The following SARDH variants were observed in gnomAD, a reference collection of about 807,000 sequenced individuals.
SARDH encodes the protein sarcosine dehydrogenase.
Under a neutral mutation model 109.1 loss-of-function variants are expected in SARDH, and 95 were observed. The ratio of observed to expected loss-of-function variants is 0.87; its 90% CI spans 0.74 to 1.03. The LOEUF is 1.03. SARDH is among the 50% of genes least tolerant of loss of function. SARDH has a pLI of 0.00. For missense variants in SARDH, 1,267 were observed against 1,287.8 expected (o/e 0.98, Z 0.25); for synonymous variants, 572 against 534.8 (o/e 1.07, Z -0.96).
intron 14 of SARDH, 139 bp from the exon 15 acceptor site, chr9:133,694,510 G>A: frequency 1.3e-6 from 1 of 742,032 alleles, no homozygotes; most frequent in Admixed American, 2.5e-5. Flanking sequence ...GCCCTACTGG[G>A]AGGTGACCTG....
chr9:133,734,350 C>CATTCATTCATTCACTG, intron 1 of SARDH, 147 bp from the exon 2 acceptor site: 1 of 491,374 alleles, frequency 2.0e-6, no homozygotes, highest in Non-Finnish European at 3.5e-6. Context: ...TTCACTCATT[C>CATTCATTCATTCACTG]ATTCATTCAT....
At chr9:133,696,644 T>C (rs756530758) in intron 13 of SARDH, among the ~76,000 whole-genome samples, 21 of 152,198 alleles carry the variant, frequency 1.4e-4, no homozygotes, top group African/African-American at 3.1e-4. Context: ...CTGACCGCGA[T>C]GTAATTAAAT....
chr9:133,690,557 G>C (rs1564255560), intron 15 of SARDH, 30 bp from the exon 16 acceptor site: 1 of 1,583,300 alleles, frequency 6.3e-7, no homozygotes, highest in Non-Finnish European at 8.6e-7. Context: ...ACTTAGAGCA[G>C]GATTTCAGGG....
intron 12 of SARDH, chr9:133,703,850 C>G (rs1029008009): frequency 2.2e-4 from 34 of 152,312 alleles, no homozygotes; most frequent in African/African-American, 8.0e-4. Flanking sequence ...ATGGAGTACC[C>G]CCCTCCCCAG....
intron 11 of SARDH, among the ~76,000 whole-genome samples, chr9:133,707,975 AC>A (rs1253861651): frequency 6.6e-6 from 1 of 151,678 alleles, no homozygotes; most frequent in Non-Finnish European, 1.5e-5. Flanking sequence ...CGCCCCCAGG[AC>A]CCCTGCCCTG....
chr9:133,732,732 C>CA (rs1832732931), intron 2 of SARDH, 131 bp from the exon 3 acceptor site: 16 of 1,012,190 alleles, frequency 1.6e-5, no homozygotes, highest in Non-Finnish European at 2.1e-5. Context: ...TCTGCAGGAC[C>CA]TGGGGGGCCT....
chr9:133,722,422 A>T (rs2131477966), intron 6 of SARDH, among the ~76,000 whole-genome samples: 1 of 152,308 alleles, frequency 6.6e-6, no homozygotes, highest in South Asian at 2.1e-4. Context: ...AGGAAGAAGG[A>T]TGGCTGATTT....
In SARDH at chr9:133,709,851, G is replaced by A. The variant is rs1588432617; in HGVS notation, c.1329-1423C>T. On this transcript the variant is annotated intron_variant, in intron 10 of 20. Transcript: ENST00000439388. The surrounding 1 kb of genome is among the most constrained non-coding windows in gnomAD (Gnocchi z 4.2). ...GTCTCACAAGTGTTCACAGTCACAC[G>A]GCAAGGCCACGGCAAAGGCAGCCCA... Among the ~76,000 whole-genome samples the A allele has an allele frequency of 6.6e-6, 1 of 152,036 alleles. No individual in the cohort carries two copies. The highest frequency in any genetic ancestry group is 6.5e-5 in the Admixed American group (1 of 15,280).
chr9:133,668,317 C>A (rs1405552600), intron 19 of SARDH, among the ~76,000 whole-genome samples: 3 of 125,812 alleles, frequency 2.4e-5, no homozygotes, highest in Non-Finnish European at 5.0e-5. Context: ...CCCTCTCCCC[C>A]ACCCTCCCTC....
At chr9:133,677,903 A>G (rs1830572764) in intron 17 of SARDH, among the ~76,000 whole-genome samples, 1 of 152,228 alleles carries the variant, frequency 6.6e-6, no homozygotes, top group African/African-American at 2.4e-5. Context: ...CTGTGGAATG[A>G]GATCATGTGG....
At chr9:133,722,369 C>G (rs983652638) in intron 6 of SARDH, among the ~76,000 whole-genome samples, 1 of 151,804 alleles carries the variant, frequency 6.6e-6, no homozygotes, top group Non-Finnish European at 1.5e-5. Context: ...CCTCAAAGTG[C>G]TGAAGGGTAT....
intron 13 of SARDH, among the ~76,000 whole-genome samples, chr9:133,701,818 T>C (rs1831498153): frequency 6.6e-6 from 1 of 152,094 alleles, no homozygotes; most frequent in Admixed American, 6.5e-5. Context: ...TTCGGGGAGA[T>C]GGTGGAAATG....
At chr9:133,711,803 C>G (rs1437706283) in intron 10 of SARDH, among the ~76,000 whole-genome samples, 1 of 152,176 alleles carries the variant, frequency 6.6e-6, no homozygotes, top group African/African-American at 2.4e-5. Flanking sequence ...CGGGCTCCCT[C>G]CAAGCCGTCC....
rs1248341502 is a variant in SARDH, at chr9:133,666,421, C to T, written c.2631+314G>A. Among the ~76,000 whole-genome samples the T allele has an allele frequency of 1.1e-4, 16 of 152,210 alleles. No individual in the cohort carries two copies. ...CTTCCAGAAAGAAAACAGAGAGCAG[C>T]TTTGGCTCTGCCCAGGCACAGCTGG... On this transcript the variant is annotated intron_variant, in intron 20 of 20. Transcript: ENST00000439388. The surrounding 1 kb of genome is among the most constrained non-coding windows in gnomAD (Gnocchi z 5.2).
intron 17 of SARDH, among the ~76,000 whole-genome samples, chr9:133,680,300 C>A (rs1830652745): frequency 6.9e-6 from 1 of 145,308 alleles, no homozygotes; most frequent in African/African-American, 2.7e-5. Context: ...CCTTGGGTAA[C>A]ATGGATGCTT....
Position 133,730,059 on chromosome 9 carries a change from C to A in SARDH, c.814+5G>T. 6.2e-7 allele frequency: 1 copy of A among 1,614,056 alleles called. No homozygotes were observed. Among genetic ancestry groups the A allele is most frequent in the Non-Finnish European group, 8.5e-7 (1 of 1,179,956 alleles). On this transcript the variant is annotated splice_donor_5th_base_variant and intron_variant, in intron 5 of 20. Coordinates refer to ENST00000439388, the MANE Select transcript of SARDH (RefSeq NM_001134707.2). The stretch of plus-strand genomic sequence containing the variant: ...CACAGGAGTCAGGAGAAATGCCACT[C>A]GCACCTGCACAGTTGACCACGCAGG...
At position 133,663,599 on chromosome 9, in the gene SARDH, C is replaced by T. The variant is rs129886; in HGVS notation, c.*290G>A. Reference sequence around the variant, plus strand: ...TTATCAAGTATTTACTAAGCACCTTCTAGAAGCTTGGAAAGGGCTACAAGC... The same window carrying T: ...TTATCAAGTATTTACTAAGCACCTTTTAGAAGCTTGGAAAGGGCTACAAGC... On this transcript the variant is annotated 3_prime_UTR_variant, in exon 21 of 21. Transcript: ENST00000439388. 94,781 of 423,486 alleles carry T rather than the reference C, an allele frequency of 0.22. 11,791 individuals carry two copies. The highest frequency in any genetic ancestry group is 0.41 in the East Asian group (10,554 of 25,780). The allele number at this position is 423,486 out of a possible 1,614,324, so 26.2% of individuals were successfully genotyped here. A position where few individuals can be genotyped will look rare whatever the true frequency, so the allele number is the denominator to read the frequency against.
chr9:133,688,738 C>T (rs1830977703), intron 16 of SARDH, among the ~76,000 whole-genome samples: 2 of 152,254 alleles, frequency 1.3e-5, no homozygotes, highest in Admixed American at 1.3e-4. Flanking sequence ...GCTGTTACCA[C>T]TGCTGGGAGC....
chr9:133,739,283 C>T (rs148822761), upstream of SARDH, among the ~76,000 whole-genome samples: 7 of 152,302 alleles, frequency 4.6e-5, no homozygotes, highest in Admixed American at 2.0e-4. Flanking sequence ...ATACCGGAAG[C>T]GATCGTATAG....
Sources: gnomAD v4.1 joint callset for allele counts (sites outside exome capture counted in the v4.1 genomes callset) on GRCh38, gnomAD v4.1.1 for gene constraint, Gnocchi (gnomAD v3.1) non-coding constraint, MANE v1.5 for transcripts, NCBI Gene and HGNC (gene_info 2026-07-23, HGNC 2026-07-21) for gene names.